Variants in WHR1 observed in about 807,000 individuals in gnomAD.
WHR1 encodes the protein MHC class III HLA-RP1.
chr6:31,976,850 C>G, the WHR1 span, among the ~76,000 whole-genome samples: 3 of 152,328 alleles, frequency 2.0e-5, no homozygotes, highest in Non-Finnish European at 2.9e-5. Flanking sequence ...GAGACCAGCC[C>G]GGCCAACACA....
the WHR1 span, among the ~76,000 whole-genome samples, chr6:31,974,306 A>G: frequency 6.7e-6 from 1 of 150,176 alleles, no homozygotes; most frequent in South Asian, 2.1e-4. Context: ...AAAGTAACCC[A>G]GGAAGAGGCC....
the WHR1 span, chr6:31,972,139 G>A: frequency 6.2e-7 from 1 of 1,612,920 alleles, no homozygotes; most frequent in Non-Finnish European, 8.5e-7. The surrounding 1 kb of genome is among the most constrained non-coding windows in gnomAD (Gnocchi z 6.3). Flanking sequence ...CGCCGCCAAC[G>A]AGTCCCCGGG....
chr6:31,971,636 C>G, the WHR1 span: 1 of 1,611,184 alleles, frequency 6.2e-7, no homozygotes, highest in Non-Finnish European at 8.5e-7. The surrounding 1 kb of genome is among the most constrained non-coding windows in gnomAD (Gnocchi z 4.5). Context: ...TCAGCTACCT[C>G]TGTCTTCTCA....
At chr6:31,976,090 A>AC in the WHR1 span, among the ~76,000 whole-genome samples, 4 of 118,762 alleles carry the variant, frequency 3.4e-5, no homozygotes, top group Admixed American at 3.6e-4. Context: ...TGGGGGGCTG[A>AC]CCCCCCACCT....
the WHR1 span, chr6:31,972,711 A>C: frequency 6.2e-7 from 1 of 1,613,704 alleles, no homozygotes; most frequent in Admixed American, 1.7e-5. The surrounding 1 kb of genome is among the most constrained non-coding windows in gnomAD (Gnocchi z 6.3). Context: ...CTGAGGAGCC[A>C]GGTGTACAGC....
chr6:31,978,146 A>AG, the WHR1 span, among the ~76,000 whole-genome samples: 6 of 152,202 alleles, frequency 3.9e-5, no homozygotes, highest in Non-Finnish European at 8.8e-5. Context: ...TAGTGTCTAA[A>AG]CAATTTTTTT....
At chr6:31,980,419 C>A in the WHR1 span, 1 of 1,580,330 alleles carries the variant, frequency 6.3e-7, no homozygotes, top group African/African-American at 1.4e-5. Flanking sequence ...AGAGCCCAGC[C>A]CTCATCTCTG....
the WHR1 span, among the ~76,000 whole-genome samples, chr6:31,976,937 G>A: frequency 6.6e-6 from 1 of 152,208 alleles, no homozygotes; most frequent in African/African-American, 2.4e-5. Context: ...GCAGGCACTC[G>A]GCAGGCTGAG....
At chr6:31,972,789 C>G in the WHR1 span, 2 of 1,606,388 alleles carry the variant, frequency 1.2e-6, no homozygotes, top group South Asian at 1.1e-5. This position sits in a 1 kb window ranked among gnomAD's most constrained non-coding sequence, Gnocchi z 6.3. Context: ...GCCGGAAGCC[C>G]CTTTCCTAAC....
chr6:31,976,636 CG>C, the WHR1 span, among the ~76,000 whole-genome samples: 3 of 152,070 alleles, frequency 2.0e-5, no homozygotes, highest in Non-Finnish European at 4.4e-5. Flanking sequence ...ACTTCCCAGA[CG>C]GGGTGGCGGC....
At chr6:31,979,402 C>A in the WHR1 span, 1 of 1,612,794 alleles carries the variant, frequency 6.2e-7, no homozygotes, top group Non-Finnish European at 8.5e-7. Context: ...TGTCTCTCAT[C>A]TCTGCTTGTA....
chr6:31,977,595 C>T, the WHR1 span, among the ~76,000 whole-genome samples: 18 of 152,086 alleles, frequency 1.2e-4, no homozygotes, highest in Admixed American at 1.1e-3. Flanking sequence ...GTGATCCACC[C>T]GTCTCAGCCT....
the WHR1 span, chr6:31,980,602 G>C: frequency 1.3e-6 from 2 of 1,590,526 alleles, no homozygotes; most frequent in Non-Finnish European, 8.6e-7. Context: ...TGGCTCCTCA[G>C]GCCTCTAGGC....
chr6:31,977,068 G>T, the WHR1 span, among the ~76,000 whole-genome samples: 24 of 152,300 alleles, frequency 1.6e-4, no homozygotes, highest in African/African-American at 5.3e-4. Flanking sequence ...GTCTTTTGGG[G>T]TTTGTTTTTA....
At chr6:31,971,888 G>A in the WHR1 span, 1 of 1,491,486 alleles carries the variant, frequency 6.7e-7, no homozygotes, top group African/African-American at 1.4e-5. The surrounding 1 kb of genome is among the most constrained non-coding windows in gnomAD (Gnocchi z 4.5). Context: ...ATGCAGTGAG[G>A]TTAGGAAGGA....
At chr6:31,973,645 C>T in the WHR1 span, among the ~76,000 whole-genome samples, 2 of 152,106 alleles carry the variant, frequency 1.3e-5, no homozygotes, top group East Asian at 1.9e-4. Flanking sequence ...ACTAATCCTG[C>T]GAGGTCCGTG....
chr6:31,976,750 C>T, the WHR1 span, among the ~76,000 whole-genome samples: 5 of 152,250 alleles, frequency 3.3e-5, no homozygotes, highest in Non-Finnish European at 5.9e-5. Flanking sequence ...CCAGCCTGGG[C>T]ACCATTGAGC....
At chr6:31,978,178 G>C in the WHR1 span, among the ~76,000 whole-genome samples, 1 of 152,324 alleles carries the variant, frequency 6.6e-6, no homozygotes, top group Non-Finnish European at 1.5e-5. Flanking sequence ...GTCTCACTGT[G>C]TTGCCCAGTT....
At chr6:31,973,141 A>G in the WHR1 span, 17 of 446,382 alleles carry the variant, frequency 3.8e-5, no homozygotes, top group Non-Finnish European at 7.4e-5. Flanking sequence ...TGGATGAGGC[A>G]GGGAGGTCAG....
Sources: allele counts gnomAD v4.1 joint callset (sites outside exome capture counted in the v4.1 genomes callset), GRCh38; gene constraint gnomAD v4.1.1; non-coding constraint Gnocchi (gnomAD v3.1); transcripts MANE v1.5; gene names NCBI Gene and HGNC (gene_info 2026-07-23, HGNC 2026-07-21).